SLC10A7: variants seen among roughly 807,000 people sequenced by gnomAD.
SLC10A7 encodes solute carrier family 10 member 7, also known as sodium/bile acid cotransporter 7.
A neutral mutation model predicts 43.2 loss-of-function variants in SLC10A7; 29 were observed. The ratio of observed to expected loss-of-function variants is 0.67; its 90% CI spans 0.50 to 0.92. SLC10A7 has a LOEUF of 0.92. SLC10A7 is among the 40% of genes least tolerant of loss of function. The probability of loss-of-function intolerance (pLI) is 0.00; values close to 1 mark genes in which losing one functional copy is unlikely to be tolerated. For missense variants in SLC10A7, 295 were observed against 403.2 expected (o/e 0.73, Z 2.30); for synonymous variants, 152 against 144.8 (o/e 1.05, Z -0.35).
intron 4 of SLC10A7, among the ~76,000 whole-genome samples, chr4:146,498,706 G>A (rs537847156): frequency 1.3e-4 from 20 of 152,228 alleles, no homozygotes; most frequent in Non-Finnish European, 7.4e-5. Flanking sequence ...GAAATATACT[G>A]GCATTTCGGT....
chr4:146,342,119 C>A (rs1310721281), intron 5 of SLC10A7, among the ~76,000 whole-genome samples: 1 of 151,822 alleles, frequency 6.6e-6, no homozygotes, highest in Non-Finnish European at 1.5e-5. Flanking sequence ...TTAAGATAAT[C>A]ATACTATACA....
chr4:146,382,215 G>A (rs76629701), intron 5 of SLC10A7, among the ~76,000 whole-genome samples: 9,168 of 152,134 alleles, frequency 0.06, 380 homozygotes, highest in South Asian at 0.17. Context: ...ACTTATGAAT[G>A]GATAAACATT....
At chr4:146,303,520 G>A (rs970544103) in intron 7 of SLC10A7, among the ~76,000 whole-genome samples, 3 of 151,336 alleles carry the variant, frequency 2.0e-5, no homozygotes, top group African/African-American at 4.9e-5. Flanking sequence ...TGGGACCACC[G>A]GCACCCACCA....
chr4:146,319,987 A>C (rs1732588552), intron 6 of SLC10A7, among the ~76,000 whole-genome samples: 1 of 152,078 alleles, frequency 6.6e-6, no homozygotes. Flanking sequence ...GGACCACGTA[A>C]AATTTCTCTG....
At chr4:146,500,439 G>A (rs1736292318) in intron 4 of SLC10A7, among the ~76,000 whole-genome samples, 1 of 151,912 alleles carries the variant, frequency 6.6e-6, no homozygotes, top group African/African-American at 2.4e-5. Context: ...CATTAAAAGA[G>A]ACCAAGTATA....
chr4:146,415,528 A>G (rs1728501827), intron 5 of SLC10A7, among the ~76,000 whole-genome samples: 1 of 152,190 alleles, frequency 6.6e-6, no homozygotes, highest in Non-Finnish European at 1.5e-5. Flanking sequence ...AGGCACAATA[A>G]AGGGATACAA....
chr4:146,369,266 A>C (rs1416616159), intron 5 of SLC10A7, among the ~76,000 whole-genome samples: 4 of 152,194 alleles, frequency 2.6e-5, no homozygotes, highest in Non-Finnish European at 5.9e-5. Flanking sequence ...CTTCCTCAGT[A>C]AAACAGTGAT....
At chr4:146,324,718 T>C (rs1458538564) in intron 6 of SLC10A7, among the ~76,000 whole-genome samples, 1 of 152,162 alleles carries the variant, frequency 6.6e-6, no homozygotes, top group Non-Finnish European at 1.5e-5. Flanking sequence ...ATGATTCCAG[T>C]TTCTCACATC....
intron 5 of SLC10A7, among the ~76,000 whole-genome samples, chr4:146,424,468 C>T (rs1357596750): frequency 6.6e-6 from 1 of 152,060 alleles, no homozygotes; most frequent in Non-Finnish European, 1.5e-5. Flanking sequence ...AGAGACCAGC[C>T]TGGCCAATGT....
chr4:146,453,759 T>C (rs1731803629), intron 4 of SLC10A7, among the ~76,000 whole-genome samples: 1 of 151,952 alleles, frequency 6.6e-6, no homozygotes, highest in Non-Finnish European at 1.5e-5. Context: ...AAGGACATCT[T>C]AACTGTTCAA....
chr4:146,321,237 T>C (rs1395092587), intron 6 of SLC10A7, among the ~76,000 whole-genome samples: 1 of 152,118 alleles, frequency 6.6e-6, no homozygotes, highest in Non-Finnish European at 1.5e-5. Context: ...ATGTTCCCTA[T>C]GAAATCTACA....
chr4:146,376,318 G>A (rs902500521), intron 5 of SLC10A7, among the ~76,000 whole-genome samples: 1 of 152,180 alleles, frequency 6.6e-6, no homozygotes, highest in Admixed American at 6.5e-5. Flanking sequence ...ATACTGGGTA[G>A]AAGAGGGTGG....
intron 4 of SLC10A7, among the ~76,000 whole-genome samples, chr4:146,451,842 G>C (rs1206168585): frequency 6.6e-6 from 1 of 152,066 alleles, no homozygotes; most frequent in African/African-American, 2.4e-5. Flanking sequence ...TGGGGGCTTA[G>C]GGAGGGAGGT....
chr4:146,338,408 A>T lies in SLC10A7; in HGVS notation c.436-12412T>A, dbSNP rs140378291. Among the ~76,000 whole-genome samples, 64 of 152,098 alleles carry T rather than the reference A, an allele frequency of 4.2e-4. No homozygotes were observed. In the East Asian group the frequency reaches 0.012, roughly 29 times the overall value. On this transcript the variant is annotated intron_variant, in intron 5 of 11. Transcript: ENST00000335472. ...AGGAGAAAATTGAGGTACATAGACA[A>T]GGAATTGTTCAGAATTCCCAAGCAG...
At chr4:146,362,306 C>T (rs1354803085) in intron 5 of SLC10A7, among the ~76,000 whole-genome samples, 2 of 151,826 alleles carry the variant, frequency 1.3e-5, no homozygotes, top group Non-Finnish European at 2.9e-5. Flanking sequence ...TATAATAATC[C>T]AACTCTCAAA....
At chr4:146,316,726 A>C (rs574182417) in intron 6 of SLC10A7, among the ~76,000 whole-genome samples, 2 of 152,230 alleles carry the variant, frequency 1.3e-5, no homozygotes, top group East Asian at 3.9e-4. Context: ...ATTACACACA[A>C]GATTATAAAA....
intron 6 of SLC10A7, among the ~76,000 whole-genome samples, chr4:146,310,430 C>T (rs1731888917): frequency 6.6e-6 from 1 of 152,074 alleles, no homozygotes; most frequent in Non-Finnish European, 1.5e-5. Flanking sequence ...ATTTACATTC[C>T]CACTAATTGT....
At chr4:146,392,220 T>C (rs1738484432) in intron 5 of SLC10A7, among the ~76,000 whole-genome samples, 2 of 152,206 alleles carry the variant, frequency 1.3e-5, no homozygotes, top group Non-Finnish European at 2.9e-5. Context: ...ATAAAGTCAT[T>C]ATGCATAACA....
intron 2 of SLC10A7, among the ~76,000 whole-genome samples, chr4:146,513,437 T>C (rs1737663802): frequency 6.6e-6 from 1 of 152,152 alleles, no homozygotes; most frequent in Non-Finnish European, 1.5e-5. Context: ...GACTAAAAAA[T>C]TGATGTTAAT....
Sources: gnomAD v4.1 joint callset for allele counts (sites outside exome capture counted in the v4.1 genomes callset) on GRCh38, gnomAD v4.1.1 for gene constraint, MANE v1.5 for transcripts, NCBI Gene and HGNC (gene_info 2026-07-23, HGNC 2026-07-21) for gene names.